FER1L6: variants seen among roughly 807,000 people sequenced by gnomAD.
FER1L6 encodes the protein fer-1-like protein 6.
A neutral mutation model predicts 219.2 loss-of-function variants in FER1L6; 177 were observed. The ratio of observed to expected loss-of-function variants is 0.81; its 90% CI spans 0.71 to 0.91. The LOEUF (loss-of-function observed/expected upper bound fraction) is 0.91, where lower values mean the gene tolerates loss of function less well. FER1L6 is among the 40% of genes least tolerant of loss of function. The probability of loss-of-function intolerance (pLI) is 0.00; values close to 1 mark genes in which losing one functional copy is unlikely to be tolerated. For synonymous variants in FER1L6, 768 were observed against 824.3 expected, an observed-to-expected ratio of 0.93 and a Z score of 1.17; for missense variants, 2,153 against 2,259.9, an observed-to-expected ratio of 0.95 and a Z score of 0.96.
At chr8:124,105,787 T>C (rs372324922) in intron 39 of FER1L6, among the ~76,000 whole-genome samples, 5 of 152,186 alleles carry the variant, frequency 3.3e-5, no homozygotes, top group Non-Finnish European at 4.4e-5. Flanking sequence ...TTTTAAAATG[T>C]AGTATATCCA....
intron 20 of FER1L6, among the ~76,000 whole-genome samples, chr8:124,044,498 G>T (rs879807390): frequency 1.3e-5 from 2 of 152,152 alleles, no homozygotes; most frequent in Non-Finnish European, 2.9e-5. Flanking sequence ...GAAATGACTC[G>T]ATGTAAAACG....
At chr8:124,022,919 ATTTTT>A (rs869126129) in intron 17 of FER1L6, among the ~76,000 whole-genome samples, 13 of 31,462 alleles carry the variant, frequency 4.1e-4, no homozygotes, top group African/African-American at 1.4e-3. Context: ...TTATTTATTT[ATTTTT>A]TTTTTTGAGA....
intron 1 of FER1L6, among the ~76,000 whole-genome samples, chr8:123,890,625 A>ATTTTTTTTTTTTTTTTTTTTT (rs59914385): frequency 1.1e-5 from 1 of 91,432 alleles, no homozygotes; most frequent in Admixed American, 1.5e-4. Flanking sequence ...TAAAAATTTG[A>ATTTTTTTTTTTTTTTTTTTTT]TTTTTTTTTT....
At chr8:123,966,552 CA>C (rs1378422874) in intron 5 of FER1L6, among the ~76,000 whole-genome samples, 2 of 152,178 alleles carry the variant, frequency 1.3e-5, no homozygotes, top group Non-Finnish European at 2.9e-5. Context: ...TATTTATTAT[CA>C]GCTCATTTTC....
intron 34 of FER1L6, among the ~76,000 whole-genome samples, chr8:124,093,583 A>ATATACTCTATT (rs1822144003): frequency 6.6e-6 from 1 of 152,040 alleles, no homozygotes; most frequent in Non-Finnish European, 1.5e-5. Flanking sequence ...TTTATTCACA[A>ATATACTCTATT]TATACTCTAT....
At chr8:123,892,014 C>T (rs1009229366) in intron 1 of FER1L6, among the ~76,000 whole-genome samples, 9 of 151,966 alleles carry the variant, frequency 5.9e-5, no homozygotes, top group South Asian at 4.2e-4. Context: ...GCCCATGTGC[C>T]GAAATAACAG....
intron 22 of FER1L6, among the ~76,000 whole-genome samples, chr8:124,049,999 T>C (rs1226570279): frequency 6.6e-6 from 1 of 152,196 alleles, no homozygotes; most frequent in Non-Finnish European, 1.5e-5. Flanking sequence ...TGGCCAACAA[T>C]GCTTGAGCAG....
intron 1 of FER1L6, among the ~76,000 whole-genome samples, chr8:123,906,448 A>C (rs1370382932): frequency 2.0e-5 from 3 of 152,082 alleles, no homozygotes; most frequent in African/African-American, 7.2e-5. Flanking sequence ...CCTTTCTCCC[A>C]TGTTTAGTGT....
At chr8:124,055,438 G>A (rs1716236031) in intron 22 of FER1L6, among the ~76,000 whole-genome samples, 1 of 152,096 alleles carries the variant, frequency 6.6e-6, no homozygotes. Flanking sequence ...CTGTGTGTAA[G>A]CCAGATTTCA....
At chr8:124,106,855 C>T (rs771170703) in intron 39 of FER1L6, among the ~76,000 whole-genome samples, 11 of 151,664 alleles carry the variant, frequency 7.3e-5, no homozygotes, top group South Asian at 2.1e-4. Context: ...TAATGTGGTA[C>T]GTAGCACATA....
chr8:124,098,786 C>A (rs1198716488), intron 37 of FER1L6, among the ~76,000 whole-genome samples: 1 of 152,132 alleles, frequency 6.6e-6, no homozygotes, highest in African/African-American at 2.4e-5. Context: ...CAGAAGCTGA[C>A]CTTCTGGAAA....
chr8:123,879,363 G>A (rs911806510), intron 1 of FER1L6, among the ~76,000 whole-genome samples: 1 of 152,112 alleles, frequency 6.6e-6, no homozygotes. Flanking sequence ...ATCTCACTCT[G>A]TTGACCAGGC....
chr8:124,102,072 C>T (rs116889423), intron 38 of FER1L6, among the ~76,000 whole-genome samples: 8 of 152,252 alleles, frequency 5.3e-5, no homozygotes, highest in Non-Finnish European at 8.8e-5. Context: ...GAAGCCTCAA[C>T]GTAACAGACT....
chr8:123,924,709 C>G (rs1183391716), intron 1 of FER1L6: 1 of 152,154 alleles, frequency 6.6e-6, no homozygotes, highest in Non-Finnish European at 1.5e-5. Flanking sequence ...TAGAATGCTA[C>G]TAGTTACATA....
At chr8:124,039,628 T>C (rs776158194) in intron 19 of FER1L6, among the ~76,000 whole-genome samples, 8 of 152,200 alleles carry the variant, frequency 5.3e-5, no homozygotes, top group Non-Finnish European at 7.3e-5. Flanking sequence ...TTCGCATGGT[T>C]TTAGTGAAGA....
chr8:123,969,956 G>C (rs1286901144), intron 5 of FER1L6, 79 bp from the exon 6 acceptor site: 1 of 1,101,394 alleles, frequency 9.1e-7, no homozygotes, highest in African/African-American at 1.5e-5. Context: ...GAATGACAAA[G>C]ATCTAAATCC....
chr8:123,859,931 TTTTA>T lies in FER1L6; in HGVS notation c.-8+7766_-8+7769del, dbSNP rs898567377. Among the ~76,000 whole-genome samples the T allele has an allele frequency of 8.9e-4, 131 of 147,044 alleles. 3 individuals carry two copies. Among genetic ancestry groups the T allele is most frequent in the Middle Eastern group, 3.5e-3 (1 of 284 alleles). ...TATTCCATGGTGTATATGTGCCACA[TTTTA>T]TTTATTTATTTATTTATTTTTATTA... On this transcript the variant is annotated intron_variant, in intron 1 of 40. Coordinates refer to ENST00000522917, the MANE Select transcript of FER1L6 (RefSeq NM_001039112.2).
intron 34 of FER1L6, among the ~76,000 whole-genome samples, chr8:124,093,753 T>C (rs552391373): frequency 9.0e-5 from 4 of 44,300 alleles, no homozygotes; most frequent in Admixed American, 1.6e-4. Flanking sequence ...ATTATTGCTA[T>C]TGGGAGATTT....
chr8:124,054,826 T>C (rs1057379320), intron 22 of FER1L6, among the ~76,000 whole-genome samples: 3 of 152,168 alleles, frequency 2.0e-5, no homozygotes, highest in African/African-American at 7.2e-5. Context: ...GGACTTTGGC[T>C]TTTATTCTGG....
Sources: allele counts gnomAD v4.1 joint callset (sites outside exome capture counted in the v4.1 genomes callset), GRCh38; gene constraint gnomAD v4.1.1; transcripts MANE v1.5; gene names NCBI Gene and HGNC (gene_info 2026-07-23, HGNC 2026-07-21).